The following SLC45A1 variants were observed in gnomAD, a reference collection of about 807,000 sequenced individuals.
SLC45A1 encodes proton-associated sugar transporter A.
In SLC45A1, 28 loss-of-function variants were observed where a neutral mutation model predicts 57.6. The ratio of observed to expected loss-of-function variants is 0.49; its 90% CI spans 0.36 to 0.67. The LOEUF (loss-of-function observed/expected upper bound fraction) is 0.67. Among genes scored for constraint, SLC45A1 ranks in the 30% least tolerant of loss-of-function variants. The probability of loss-of-function intolerance (pLI) is 0.00; values close to 1 mark genes in which losing one functional copy is unlikely to be tolerated. For synonymous variants in SLC45A1, 459 were observed against 471.5 expected, an observed-to-expected ratio of 0.97 and a Z score of 0.34; for missense variants, 814 against 1,041.5, an observed-to-expected ratio of 0.78 and a Z score of 3.01.
intron 1 of SLC45A1, among the ~76,000 whole-genome samples, chr1:8,320,676 TGTTTCTCTCTCTCTCTACAC>T (rs1202797389): frequency 0.021 from 1,524 of 73,930 alleles, 33 homozygotes; most frequent in African/African-American, 0.058. Flanking sequence ...TCTCTCTCTC[TGTTTCTCTCTCTCTCTACAC>T]ACACACACAC....
At chr1:8,324,032 G>A (rs911380832) in intron 1 of SLC45A1, among the ~76,000 whole-genome samples, 6 of 152,156 alleles carry the variant, frequency 3.9e-5, no homozygotes, top group African/African-American at 1.4e-4. Flanking sequence ...AGTCCTGACC[G>A]AGCCTCTGTT....
intron 1 of SLC45A1, among the ~76,000 whole-genome samples, chr1:8,319,833 C>T (rs761127265): frequency 9.2e-5 from 14 of 152,144 alleles, no homozygotes; most frequent in Non-Finnish European, 1.9e-4. Context: ...TCTCCTGCCT[C>T]AGCCTCCGGA....
At position 8,343,257 on chromosome 1, in the gene SLC45A1, T is replaced by C. The variant is rs75410574; in HGVS notation, c.1981-490T>C. On this transcript the variant is annotated intron_variant, in intron 8 of 8. Coordinates refer to ENST00000471889, the MANE Select transcript of SLC45A1 (RefSeq NM_001080397.3). This position sits in a 1 kb window ranked among gnomAD's most constrained non-coding sequence, Gnocchi z 7.7. ...TCAGCCACTGTCCCCCAGCATGGCA[T>C]GCAGGGGAGGGAGAGTGAGTGACGT... Among the ~76,000 whole-genome samples, 350 of 152,244 alleles carry C rather than the reference T, an allele frequency of 2.3e-3. 4 individuals are homozygous for C. In the East Asian group the frequency reaches 0.044, roughly 19 times the overall value.
In SLC45A1 at chr1:8,325,487, G is replaced by C. The variant is rs1640169226; in HGVS notation, c.490+97G>C. On this transcript the variant is annotated intron_variant, in intron 3 of 8. Coordinates refer to ENST00000471889, the MANE Select transcript of SLC45A1 (RefSeq NM_001080397.3). This position sits in a 1 kb window ranked among gnomAD's most constrained non-coding sequence, Gnocchi z 6.3. ...ATTTTAAAAAATGTTGACCAAAGCA[G>C]TTACCCAGATAGCTCTGGGCCCGCA... The C allele has an allele frequency of 1.1e-5, 10 of 899,264 alleles. No homozygotes were observed. The highest frequency in any genetic ancestry group is 1.6e-5 in the Non-Finnish European group (9 of 570,536). 55.7% of individuals were successfully genotyped at this position (899,264 alleles called of 1,614,324 possible).
intron 8 of SLC45A1, among the ~76,000 whole-genome samples, chr1:8,342,612 C>T (rs1423774931): frequency 1.3e-5 from 2 of 152,168 alleles, no homozygotes; most frequent in Non-Finnish European, 2.9e-5. Flanking sequence ...GCCTCCTTCC[C>T]TTTTATGGTC....
Position 8,330,593 on chromosome 1 carries a change from C to A in SLC45A1, c.1100C>A (p.Ser367Tyr). 6.2e-7 allele frequency: 1 copy of A among 1,613,630 alleles called. No individual in the cohort carries two copies. Among genetic ancestry groups the A allele is most frequent in the African/African-American group, 1.3e-5 (1 of 75,062 alleles). ...ACGGGCATCAGCGAGTTCGCCTCAT[C>A]CTTTGGCACGGCCAACATAGACAGC... ...SLTGISEFAS[S>Y]FGTANIDSVL... Residue 367 changes from serine (S) to tyrosine (Y), a missense_variant, in exon 5 of 9, where the codon TCC becomes TAC. Ser to Tyr is a moderately radical substitution (Grantham distance 144). Transcript: ENST00000471889. The surrounding 1 kb of genome is among the most constrained non-coding windows in gnomAD (Gnocchi z 8.4).
At position 8,330,610 on chromosome 1, in the gene SLC45A1, A is replaced by G. The variant is rs757968411; in HGVS notation, c.1117A>G (p.Ile373Val). ...CGCCTCATCCTTTGGCACGGCCAAC[A>G]TAGACAGCGTCCTCATTGACTGCTT... Reference protein sequence around the residue: ...EFASSFGTANIDSVLIDCFTG... With the variant: ...EFASSFGTANVDSVLIDCFTG... Residue 373 changes from isoleucine (I) to valine (V), a missense_variant, in exon 5 of 9, where the codon ATA becomes GTA. Transcript: ENST00000471889. This position sits in a 1 kb window ranked among gnomAD's most constrained non-coding sequence, Gnocchi z 8.4. The G allele has an allele frequency of 6.8e-6, 11 of 1,613,636 alleles. No individual in the cohort carries two copies. The highest frequency in any genetic ancestry group is 9.3e-6 in the Non-Finnish European group (11 of 1,179,982).
chr1:8,334,385 C>A (rs1271763249), intron 5 of SLC45A1, among the ~76,000 whole-genome samples: 1 of 152,188 alleles, frequency 6.6e-6, no homozygotes, highest in African/African-American at 2.4e-5. Context: ...CAGGGCGGAC[C>A]GCACCACAGA....
In SLC45A1 at chr1:8,324,736, G is replaced by A. The variant is rs774861101; in HGVS notation, c.397+10G>A. 71 of 1,569,048 alleles carry A rather than the reference G, an allele frequency of 4.5e-5. No homozygotes were observed. The highest frequency in any genetic ancestry group is 2.0e-4 in the Admixed American group (11 of 56,076). ...ATCAGCCCCATCCTCGGTGAGCCCCGGCTCCTCCCCGATGGTGGAGGGCCT... is the reference window on the plus strand; with the variant it reads ...ATCAGCCCCATCCTCGGTGAGCCCCAGCTCCTCCCCGATGGTGGAGGGCCT... On this transcript the variant is annotated intron_variant, in intron 2 of 8. Coordinates refer to ENST00000471889, the MANE Select transcript of SLC45A1 (RefSeq NM_001080397.3).
chr1:8,322,023 ATGGATGGGTGAGTGGGTGGG>A (rs1557557346), intron 1 of SLC45A1, among the ~76,000 whole-genome samples: 3 of 32,334 alleles, frequency 9.3e-5, no homozygotes, highest in Admixed American at 3.9e-4. Context: ...GGATGGATGG[ATGGATGGGTGAGTGGGTGGG>A]TGGGTGGATG....
At position 8,325,443 on chromosome 1, in the gene SLC45A1, A is replaced by G. The variant is rs372355331; in HGVS notation, c.490+53A>G. On this transcript the variant is annotated intron_variant, in intron 3 of 8. Coordinates refer to ENST00000471889, the MANE Select transcript of SLC45A1 (RefSeq NM_001080397.3). This position sits in a 1 kb window ranked among gnomAD's most constrained non-coding sequence, Gnocchi z 6.3. ...TGGAGAGGAAAAAAAAAAGGCCCCA[A>G]CTGCTTCCTTTTAGGAAAATTTTAA... 3 of 1,310,022 alleles carry G rather than the reference A, an allele frequency of 2.3e-6. No individual in the cohort carries two copies. Among genetic ancestry groups the G allele is most frequent in the Admixed American group, 2.0e-5 (1 of 51,142 alleles). The allele number at this position is 1,310,022 out of a possible 1,614,324, so 81.1% of individuals were successfully genotyped here.
At position 8,330,823 on chromosome 1, in the gene SLC45A1, A is replaced by C; in HGVS notation, c.1330A>C (p.Lys444Gln). ...ILRVGSLDTS[K>Q]PRSSGILKRP... ...GAGGGTGGGCTCCTTGGACACCTCTAAGCCGAGGTCATCAGGGATTCTGAA... is the reference window on the plus strand; with the variant it reads ...GAGGGTGGGCTCCTTGGACACCTCTCAGCCGAGGTCATCAGGGATTCTGAA... The change falls in exon 5 of 9, where the codon AAG becomes CAG. Residue 444 changes from lysine to glutamine, a missense_variant. Lys to Gln is a moderately conservative substitution (Grantham distance 53). Coordinates refer to ENST00000471889, the MANE Select transcript of SLC45A1 (RefSeq NM_001080397.3). This position sits in a 1 kb window ranked among gnomAD's most constrained non-coding sequence, Gnocchi z 8.4. The C allele has an allele frequency of 6.2e-7, 1 of 1,613,492 alleles. No individual in the cohort carries two copies. The highest frequency in any genetic ancestry group is 8.5e-7 in the Non-Finnish European group (1 of 1,180,034).
At position 8,330,655 on chromosome 1, in the gene SLC45A1, T is replaced by C. The variant is rs1344059249; in HGVS notation, c.1162T>C (p.Tyr388His). The C allele has an allele frequency of 6.2e-6, 10 of 1,613,320 alleles. No homozygotes were observed. Among genetic ancestry groups the C allele is most frequent in the African/African-American group, 2.7e-5 (2 of 74,940 alleles). Residue 388 changes from tyrosine (Y) to histidine (H), a missense_variant, in exon 5 of 9, where the codon TAC (tyrosine) becomes CAC (histidine). Coordinates refer to ENST00000471889, the MANE Select transcript of SLC45A1 (RefSeq NM_001080397.3). This position sits in a 1 kb window ranked among gnomAD's most constrained non-coding sequence, Gnocchi z 8.4. ...CTGCTTCACGGGCGGCCACGACAGC[T>C]ACCTGGCCATCCCTGGCAGCGTCCC... ...IDCFTGGHDS[Y>H]LAIPGSVPRP... is the part of the protein sequence containing the mutation.
At chr1:8,339,191 G>A (rs955918539) in intron 7 of SLC45A1, among the ~76,000 whole-genome samples, 7 of 152,186 alleles carry the variant, frequency 4.6e-5, no homozygotes, top group African/African-American at 1.7e-4. Context: ...TGGTGTCACA[G>A]CCCCAAGACC....
chr1:8,325,441 C>A lies in SLC45A1; in HGVS notation c.490+51C>A, dbSNP rs776339922. The A allele has an allele frequency of 1.5e-6, 2 of 1,308,442 alleles. No homozygotes were observed. Among genetic ancestry groups the A allele is most frequent in the African/African-American group, 1.5e-5 (1 of 67,600 alleles). 81.1% of individuals were successfully genotyped at this position (1,308,442 alleles called of 1,614,324 possible). A position where few individuals can be genotyped will look rare whatever the true frequency, so the allele number is the denominator to read the frequency against. On this transcript the variant is annotated intron_variant, in intron 3 of 8. Coordinates refer to ENST00000471889, the MANE Select transcript of SLC45A1 (RefSeq NM_001080397.3). The surrounding 1 kb of genome is among the most constrained non-coding windows in gnomAD (Gnocchi z 6.3). ...AATGGAGAGGAAAAAAAAAAGGCCC[C>A]AACTGCTTCCTTTTAGGAAAATTTT...
At position 8,329,072 on chromosome 1, in the gene SLC45A1, G is replaced by C. The variant is rs531825409; in HGVS notation, c.716-1137G>C. 3.7e-4 allele frequency among the ~76,000 whole-genome samples: 57 copies of C among 152,252 alleles called. 1 individual carries two copies. Among genetic ancestry groups the C allele is most frequent in the Admixed American group, 3.7e-3 (57 of 15,296 alleles). ...GGGACTGGAGCTTTTGAATGGACACGCCAAGTGAAATGAAAAGGCCCGTCT... is the reference window on the plus strand; with the variant it reads ...GGGACTGGAGCTTTTGAATGGACACCCCAAGTGAAATGAAAAGGCCCGTCT... On this transcript the variant is annotated intron_variant, in intron 4 of 8. Transcript: ENST00000471889.
At position 8,330,949 on chromosome 1, in the gene SLC45A1, G is replaced by A. The variant is rs1171968950; in HGVS notation, c.1443+13G>A. ...CTTCAGTCAGCAGGTAACAGCAAAT[G>A]TCGGGGGAGCTGAGGCTCAGAGGGT... is the stretch of plus-strand genomic sequence containing the variant. On this transcript the variant is annotated intron_variant, in intron 5 of 8. Coordinates refer to ENST00000471889, the MANE Select transcript of SLC45A1 (RefSeq NM_001080397.3). This position sits in a 1 kb window ranked among gnomAD's most constrained non-coding sequence, Gnocchi z 8.4. 1 of 1,568,268 alleles carries A rather than the reference G, an allele frequency of 6.4e-7. No homozygotes were observed. Among genetic ancestry groups the A allele is most frequent in the East Asian group, 2.3e-5 (1 of 44,194 alleles).
rs1273711904 is a variant in SLC45A1 at position 8,339,536 on chromosome 1, C to G, written c.1818C>G (p.Leu606=). Residue 606 remains leucine, a synonymous_variant, in exon 8 of 9, where the codon CTC becomes CTG. Transcript: ENST00000471889. Reference sequence around the variant, plus strand: ...AGGAGTTCCTCAGCGTCCGCACCCTCTACTTCATCGCCTATCTCGCCTTCG... The same window carrying G: ...AGGAGTTCCTCAGCGTCCGCACCCTGTACTTCATCGCCTATCTCGCCTTCG... ...KLEEFLSVRT[L]YFIAYLAFGL... is the part of the protein sequence containing the mutation. 2 of 1,614,224 alleles carry G rather than the reference C, an allele frequency of 1.2e-6. No homozygotes were observed. Among genetic ancestry groups the G allele is most frequent in the Admixed American group, 3.3e-5 (2 of 60,030 alleles).
intron 1 of SLC45A1, among the ~76,000 whole-genome samples, chr1:8,319,027 T>C (rs1639909975): frequency 6.6e-6 from 1 of 152,192 alleles, no homozygotes; most frequent in Non-Finnish European, 1.5e-5. Context: ...ATGCCTGTAA[T>C]CCCAGCACTT....
Sources: gnomAD v4.1 joint callset for allele counts (sites outside exome capture counted in the v4.1 genomes callset) on GRCh38, gnomAD v4.1.1 for gene constraint, Gnocchi (gnomAD v3.1) non-coding constraint, MANE v1.5 for transcripts, NCBI Gene and HGNC (gene_info 2026-07-23, HGNC 2026-07-21) for gene names.